The following PCBP2 variants were observed in gnomAD, a reference collection of about 807,000 sequenced individuals.
PCBP2 encodes the protein poly(rC) binding protein 2, also known as poly(rC)-binding protein 2.
PCBP2 carries 4 observed loss-of-function variants against 50.1 expected under a neutral mutation model. The ratio of observed to expected loss-of-function variants is 0.08; its 90% CI spans 0.04 to 0.18. The LOEUF is 0.18. Among genes scored for constraint, PCBP2 ranks in the 10% least tolerant of loss-of-function variants. PCBP2 has a pLI of 1.00. For synonymous variants in PCBP2, 179 were observed against 168.0 expected (o/e 1.07, Z -0.51); for missense variants, 161 against 474.3 (o/e 0.34, Z 6.14).
chr12:53,466,437 G>A (rs147681315), intron 10 of PCBP2, among the ~76,000 whole-genome samples: 210 of 152,322 alleles, frequency 1.4e-3, no homozygotes, highest in African/African-American at 4.9e-3. Flanking sequence ...GTTACACAGA[G>A]AGGGATAGGA....
intron 5 of PCBP2, among the ~76,000 whole-genome samples, chr12:53,456,949 C>G (rs1354040678): frequency 6.6e-6 from 1 of 152,154 alleles, no homozygotes; most frequent in Non-Finnish European, 1.5e-5. Flanking sequence ...TACCTTTTGA[C>G]CCCCGGGATT....
At chr12:53,466,958 C>G (rs940491509) in intron 10 of PCBP2, among the ~76,000 whole-genome samples, 1 of 152,120 alleles carries the variant, frequency 6.6e-6, no homozygotes, top group Non-Finnish European at 1.5e-5. Flanking sequence ...GGGGGATGGT[C>G]GTTGGGCAAG....
intron 8 of PCBP2, among the ~76,000 whole-genome samples, chr12:53,463,064 C>T (rs1010163584): frequency 6.6e-5 from 10 of 152,132 alleles, no homozygotes; most frequent in African/African-American, 1.9e-4. Context: ...CCCCTAGGCT[C>T]TTAACCTCAT....
chr12:53,476,030 G>C (rs1407905047), intron 14 of PCBP2: 2 of 152,192 alleles, frequency 1.3e-5, no homozygotes, highest in Non-Finnish European at 1.5e-5. Context: ...AGTGGGATAA[G>C]TCTAATAAAA....
At chr12:53,479,123 A>G (rs1198643397) in intron 14 of PCBP2, among the ~76,000 whole-genome samples, 1 of 151,954 alleles carries the variant, frequency 6.6e-6, no homozygotes. Context: ...CAGAAAGTAC[A>G]CTCCTTGGTT....
At position 53,455,361 on chromosome 12, in the gene PCBP2, C is replaced by T; in HGVS notation, c.84C>T (p.Ile28=). The change falls in exon 3 of 15, where the codon ATC becomes ATT. Residue 28 remains isoleucine, a synonymous_variant. Coordinates refer to ENST00000546463, the MANE Select transcript of PCBP2 (RefSeq NM_031989.5). ...LLMHGKEVGS[I]IGKKGESVKK... Reference sequence around the variant, plus strand: ...CTCCATTGCAGGAAGTTGGCAGTATCATCGGAAAGGTAAGACAATTTCACT... The same window carrying T: ...CTCCATTGCAGGAAGTTGGCAGTATTATCGGAAAGGTAAGACAATTTCACT... 6.2e-7 allele frequency: 1 copy of T among 1,614,026 alleles called. No homozygotes were observed. The highest frequency in any genetic ancestry group is 1.7e-5 in the Admixed American group (1 of 60,026).
intron 8 of PCBP2, among the ~76,000 whole-genome samples, chr12:53,463,905 T>A (rs921556776): frequency 6.6e-6 from 1 of 152,244 alleles, no homozygotes; most frequent in Non-Finnish European, 1.5e-5. Flanking sequence ...TTGTGTTGAA[T>A]TGGCATAAAA....
At chr12:53,477,405 C>A (rs1045106040) in intron 14 of PCBP2, among the ~76,000 whole-genome samples, 2 of 152,108 alleles carry the variant, frequency 1.3e-5, no homozygotes, top group African/African-American at 4.8e-5. Context: ...GTGGCTCACG[C>A]CTGTAATCCC....
At chr12:53,459,104 A>G (rs986300736) in intron 5 of PCBP2, among the ~76,000 whole-genome samples, 168 bp from the exon 6 acceptor site, 1 of 152,158 alleles carries the variant, frequency 6.6e-6, no homozygotes, top group Non-Finnish European at 1.5e-5. Flanking sequence ...TTATCTTTAC[A>G]TCAAAAATAG....
At chr12:53,452,800 AGCGCCCCCC>A (rs1940660294) in intron 1 of PCBP2, 1 of 151,114 alleles carries the variant, frequency 6.6e-6, no homozygotes, top group Admixed American at 6.6e-5. Flanking sequence ...CCTGTATCGC[AGCGCCCCCC>A]CCCGACCGAA....
chr12:53,462,453 T>C, intron 7 of PCBP2, 40 bp from the exon 8 acceptor site: 1 of 1,561,708 alleles, frequency 6.4e-7, no homozygotes, highest in South Asian at 1.1e-5. Context: ...CTTTGAAACC[T>C]TATCTCTTTT....
intron 14 of PCBP2, among the ~76,000 whole-genome samples, chr12:53,472,241 A>G (rs892506510): frequency 6.6e-6 from 1 of 152,200 alleles, no homozygotes; most frequent in Admixed American, 6.5e-5. Flanking sequence ...AGTTTCTGGG[A>G]GGCAGCAATT....
At chr12:53,478,837 A>G (rs1269296256) in intron 14 of PCBP2, among the ~76,000 whole-genome samples, 1 of 151,866 alleles carries the variant, frequency 6.6e-6, no homozygotes, top group Non-Finnish European at 1.5e-5. Context: ...ATAATTCTTG[A>G]CCCATAGTTA....
intron 2 of PCBP2, 121 bp downstream of exon 2, chr12:53,454,990 C>T (rs570533265): frequency 1.3e-4 from 106 of 836,410 alleles, no homozygotes; most frequent in Non-Finnish European, 2.0e-4. Context: ...TAGCACATTT[C>T]CCTAATGGAG....
chr12:53,479,452 G>A lies in PCBP2; in HGVS notation c.*10G>A. The stretch of plus-strand genomic sequence containing the variant: ...CATGGGGAGCAGCTAGAACAATGCA[G>A]ATTCATCCATAATCCCTTTCTGCTG... On this transcript the variant is annotated 3_prime_UTR_variant, in exon 15 of 15. Transcript: ENST00000546463. 2 of 1,612,724 alleles carry A rather than the reference G, an allele frequency of 1.2e-6. No individual in the cohort carries two copies. Among genetic ancestry groups the A allele is most frequent in the Non-Finnish European group, 1.7e-6 (2 of 1,179,002 alleles).
intron 13 of PCBP2, among the ~76,000 whole-genome samples, chr12:53,470,246 C>T (rs1204394654): frequency 7.3e-5 from 11 of 151,598 alleles, no homozygotes; most frequent in Admixed American, 6.6e-4. Context: ...GGTGTGCTGG[C>T]CCGCACCTGT....
At chr12:53,459,992 C>T in intron 6 of PCBP2, 1 of 356,166 alleles carries the variant, frequency 2.8e-6, no homozygotes, top group Non-Finnish European at 6.0e-6. Flanking sequence ...CTCCTGAGCT[C>T]AAGCAATCCA....
At chr12:53,476,437 T>C (rs897706598) in intron 14 of PCBP2, among the ~76,000 whole-genome samples, 6 of 152,202 alleles carry the variant, frequency 3.9e-5, no homozygotes, top group Admixed American at 3.9e-4. Flanking sequence ...CCCTGAAATC[T>C]TGTTCATTTT....
intron 6 of PCBP2, chr12:53,460,472 T>G: frequency 4.0e-6 from 1 of 252,326 alleles, no homozygotes; most frequent in Non-Finnish European, 8.3e-6. Context: ...CTATGGAAGT[T>G]ACGTTGAATT....
Sources: gnomAD v4.1 joint callset for allele counts (sites outside exome capture counted in the v4.1 genomes callset) on GRCh38, gnomAD v4.1.1 for gene constraint, MANE v1.5 for transcripts, NCBI Gene and HGNC (gene_info 2026-07-23, HGNC 2026-07-21) for gene names.